Variants in SUCLA2 observed in about 807,000 individuals in gnomAD.
SUCLA2 encodes the protein succinate--CoA ligase [ADP-forming] subunit beta, mitochondrial.
SUCLA2 carries 30 observed loss-of-function variants against 54.8 expected under a neutral mutation model. The observed-to-expected ratio is 0.55, with a 90% CI of 0.41 to 0.74. The LOEUF is 0.74. Ranked by LOEUF, SUCLA2 falls within the 30% of genes least tolerant of loss-of-function variation. SUCLA2 has a pLI of 0.00. For missense variants in SUCLA2, 476 were observed against 562.9 expected, an observed-to-expected ratio of 0.85 and a Z score of 1.56; for synonymous variants, 172 against 188.9, an observed-to-expected ratio of 0.91 and a Z score of 0.74.
chr13:47,978,819 C>T (rs1950038132), intron 4 of SUCLA2, among the ~76,000 whole-genome samples: 1 of 151,840 alleles, frequency 6.6e-6, no homozygotes, highest in South Asian at 2.1e-4. Flanking sequence ...AACAAATTTA[C>T]AAGAAAAAAA....
rs375063414 is a variant in SUCLA2 at position 47,997,106 on chromosome 13, CAA to C, written c.91-85_91-84del. On this transcript the variant is annotated intron_variant, in intron 1 of 10. Transcript: ENST00000646932. ...ACTACTTGGTTCTTCATAACTATAA[CAA>C]AACTGTTACATTACATTAGCAAAGT... The C allele has an allele frequency of 2.1e-4, 292 of 1,414,578 alleles. No individual in the cohort carries two copies. In the Middle Eastern group the frequency reaches 6.5e-3, roughly 32 times the overall value. 87.6% of individuals were successfully genotyped at this position (1,414,578 alleles called of 1,614,324 possible). A position where few individuals can be genotyped will look rare whatever the true frequency, so the allele number is the denominator to read the frequency against.
At chr13:47,948,344 C>CAT (rs1450903105) in intron 10 of SUCLA2, among the ~76,000 whole-genome samples, 1 of 152,070 alleles carries the variant, frequency 6.6e-6, no homozygotes, top group African/African-American at 2.4e-5. Context: ...TAGATACACA[C>CAT]ACATACATAC....
Position 47,954,868 on chromosome 13 carries a change from C to T in SUCLA2, c.803-311G>A, listed in dbSNP as rs12860399. Among the ~76,000 whole-genome samples, 18,919 of 152,006 alleles carry T rather than the reference C, an allele frequency of 0.12. 1,528 individuals are homozygous for T. The highest frequency in any genetic ancestry group is 0.23 in the East Asian group (1,191 of 5,162). ...ATTAACTATCCTTGTTCGTAGCTAA[C>T]CCCATCACTTGGGCCCCATATCCCA... On this transcript the variant is annotated intron_variant, in intron 6 of 10. Transcript: ENST00000646932.
At chr13:47,993,136 C>T (rs1388138381) in intron 2 of SUCLA2, among the ~76,000 whole-genome samples, 1 of 152,096 alleles carries the variant, frequency 6.6e-6, no homozygotes, top group Non-Finnish European at 1.5e-5. Context: ...CAGGCTGAGA[C>T]GGGAGAAGTG....
chr13:47,945,422 C>CAA (rs10661341), intron 10 of SUCLA2, among the ~76,000 whole-genome samples: 6,797 of 49,802 alleles, frequency 0.14, 1,149 homozygotes, highest in South Asian at 0.26. Context: ...GACTCAGTCT[C>CAA]AAAAAAAAAA....
At chr13:47,943,896 A>C (rs1949708748) in intron 10 of SUCLA2, among the ~76,000 whole-genome samples, 1 of 151,908 alleles carries the variant, frequency 6.6e-6, no homozygotes, top group Non-Finnish European at 1.5e-5. Flanking sequence ...ATCTTAACTT[A>C]AAATGTTGGG....
chr13:47,973,465 G>T, intron 4 of SUCLA2, 73 bp from the exon 5 acceptor site: 2 of 1,529,868 alleles, frequency 1.3e-6, no homozygotes, highest in Non-Finnish European at 9.0e-7. Context: ...AAACCTACCC[G>T]TGCATAATAT....
chr13:47,979,155 C>T (rs1950041479), intron 4 of SUCLA2, among the ~76,000 whole-genome samples: 1 of 152,086 alleles, frequency 6.6e-6, no homozygotes, highest in Admixed American at 6.6e-5. Flanking sequence ...CCCAGCAATC[C>T]CATTACTGAG....
intron 5 of SUCLA2, chr13:47,971,620 G>C (rs1434811143): frequency 3.0e-6 from 1 of 335,180 alleles, no homozygotes; most frequent in Non-Finnish European, 5.4e-6. Context: ...TAAAACTGTA[G>C]GCAAAATTTT....
At chr13:47,977,134 T>C (rs575888857) in intron 4 of SUCLA2, among the ~76,000 whole-genome samples, 24 of 152,230 alleles carry the variant, frequency 1.6e-4, no homozygotes, top group African/African-American at 5.8e-4. Context: ...ATTACAGCTG[T>C]CACAGAAAGA....
intron 4 of SUCLA2, among the ~76,000 whole-genome samples, chr13:47,984,557 T>C (rs1029615809): frequency 3.3e-5 from 5 of 152,078 alleles, no homozygotes; most frequent in African/African-American, 1.2e-4. Context: ...TTTTTTTAAA[T>C]TTGCCTTAAA....
chr13:47,982,090 C>T (rs535356304), intron 4 of SUCLA2, among the ~76,000 whole-genome samples: 2 of 152,308 alleles, frequency 1.3e-5, no homozygotes, highest in African/African-American at 4.8e-5. Flanking sequence ...AGTAATCCCA[C>T]TTCTAGGTAT....
Position 47,973,298 on chromosome 13 carries a change from A to G in SUCLA2, c.629T>C (p.Ile210Thr), listed in dbSNP as rs773355734. The change falls in exon 5 of 11, where the codon ATT becomes ACT. Residue 210 changes from isoleucine to threonine, a missense_variant. By Grantham distance (89) the Ile-to-Thr change is moderately conservative. This residue lies in a region of SUCLA2 where 342 missense variants were observed against 444.2 expected (regional missense o/e 0.77). Coordinates refer to ENST00000646932, the MANE Select transcript of SUCLA2 (RefSeq NM_003850.3). ...TTGTTCCTTTTTGATGCCTTCTTCA[A>G]TATCAATAGGTTCTTTAATTATTGC... is the stretch of plus-strand genomic sequence containing the variant. ...PEAIIKEPIDIEEGIKKEQAL... is the reference protein window; with the variant it reads ...PEAIIKEPIDTEEGIKKEQAL... The G allele has an allele frequency of 4.6e-5, 75 of 1,613,524 alleles. No individual in the cohort carries two copies. The highest frequency in any genetic ancestry group is 5.8e-5 in the Non-Finnish European group (69 of 1,179,824).
chr13:47,992,913 C>T lies in SUCLA2; in HGVS notation c.271+3930G>A, dbSNP rs147370586. ...AGAAGCCAAACTATCTTTCTATAGTCAATAGGGAAATTATAAAAATTCTGC... is the reference window on the plus strand; with the variant it reads ...AGAAGCCAAACTATCTTTCTATAGTTAATAGGGAAATTATAAAAATTCTGC... On this transcript the variant is annotated intron_variant, in intron 2 of 10. Coordinates refer to ENST00000646932, the MANE Select transcript of SUCLA2 (RefSeq NM_003850.3). Among the ~76,000 whole-genome samples the T allele has an allele frequency of 4.8e-3, 733 of 152,250 alleles. 3 individuals carry two copies. Among genetic ancestry groups the T allele is most frequent in the African/African-American group, 0.017 (687 of 41,532 alleles).
intron 4 of SUCLA2, among the ~76,000 whole-genome samples, chr13:47,979,658 A>T (rs779522391): frequency 7.2e-5 from 11 of 152,104 alleles, no homozygotes; most frequent in Non-Finnish European, 1.5e-4. Context: ...AAAAAAGAAA[A>T]CTTACAGCCA....
chr13:47,995,271 C>T (rs1950182467), intron 2 of SUCLA2, among the ~76,000 whole-genome samples: 1 of 151,358 alleles, frequency 6.6e-6, no homozygotes, highest in Non-Finnish European at 1.5e-5. Context: ...TAAATCAGGT[C>T]CCATTAACAT....
At chr13:47,988,372 G>T in intron 4 of SUCLA2, 169 bp downstream of exon 4, 1 of 687,066 alleles carries the variant, frequency 1.5e-6, no homozygotes, top group Non-Finnish European at 2.3e-6. Context: ...AAATTTTACG[G>T]CATTAAAGAA....
intron 4 of SUCLA2, among the ~76,000 whole-genome samples, chr13:47,978,321 T>C (rs112460308): frequency 0.063 from 9,585 of 152,246 alleles, 354 homozygotes; most frequent in Middle Eastern, 0.095. Context: ...AACAGATATA[T>C]AGACCAGTGG....
At chr13:47,952,078 T>C (rs1490906923) in intron 8 of SUCLA2, among the ~76,000 whole-genome samples, 1 of 151,526 alleles carries the variant, frequency 6.6e-6, no homozygotes, top group East Asian at 1.9e-4. Flanking sequence ...TCCATTACAA[T>C]CTGGCCTATG....
Sources: allele counts gnomAD v4.1 joint callset (sites outside exome capture counted in the v4.1 genomes callset), GRCh38; gene constraint gnomAD v4.1.1; regional missense constraint gnomAD v4.1.1; transcripts MANE v1.5; gene names NCBI Gene and HGNC (gene_info 2026-07-23, HGNC 2026-07-21).